The following CDH13 variants were observed in gnomAD, a reference collection of about 807,000 sequenced individuals.
CDH13 encodes the protein cadherin 13, also known as cadherin-13.
Under a neutral mutation model 63.8 loss-of-function variants are expected in CDH13, and 24 were observed. The observed-to-expected ratio is 0.38, with a 90% CI of 0.27 to 0.53. The LOEUF (loss-of-function observed/expected upper bound fraction) is 0.53. Ranked by LOEUF, CDH13 falls within the 20% of genes least tolerant of loss-of-function variation. The pLI, the probability that CDH13 is intolerant of heterozygous loss-of-function variation, is 0.85. For synonymous variants in CDH13, 503 were observed against 355.3 expected, an observed-to-expected ratio of 1.42 and a Z score of -4.67; for missense variants, 1,049 against 903.1, an observed-to-expected ratio of 1.16 and a Z score of -2.07.
At chr16:83,446,656 G>A (rs1045852893) in intron 6 of CDH13, among the ~76,000 whole-genome samples, 5 of 152,060 alleles carry the variant, frequency 3.3e-5, no homozygotes, top group African/African-American at 1.2e-4. Flanking sequence ...GGTAATCAAA[G>A]GAACGAGCTC....
In CDH13 at chr16:83,192,953, AAG is replaced by A. The variant is rs142256988; in HGVS notation, c.484-24387_484-24386del. ...ACAGAAACAATTTCTCTTAAAGAGA[AAG>A]AGAGGAACTATGTACTTGGGCTTTG... On this transcript the variant is annotated intron_variant, in intron 4 of 13. Coordinates refer to ENST00000567109, the MANE Select transcript of CDH13 (RefSeq NM_001257.5). Among the ~76,000 whole-genome samples the A allele has an allele frequency of 7.9e-3, 1,208 of 152,242 alleles. 21 individuals carry two copies. The highest frequency in any genetic ancestry group is 0.028 in the African/African-American group (1,163 of 41,532).
intron 6 of CDH13, among the ~76,000 whole-genome samples, chr16:83,430,887 T>C (rs1437432818): frequency 1.3e-5 from 2 of 152,028 alleles, no homozygotes; most frequent in Non-Finnish European, 2.9e-5. Context: ...TACATATGTA[T>C]GCATGTGCCA....
chr16:82,875,741 A>G lies in CDH13; in HGVS notation c.157+17268A>G, dbSNP rs78448635. On this transcript the variant is annotated intron_variant, in intron 2 of 13. Coordinates refer to ENST00000567109, the MANE Select transcript of CDH13 (RefSeq NM_001257.5). Reference sequence around the variant, plus strand: ...CAATAAAATGATAAGTATGATTCAAAGAGCATTCGAGAAACTAGCTATTTG... The same window carrying G: ...CAATAAAATGATAAGTATGATTCAAGGAGCATTCGAGAAACTAGCTATTTG... Among the ~76,000 whole-genome samples, 7 of 152,344 alleles carry G rather than the reference A, an allele frequency of 4.6e-5. No individual in the cohort carries two copies. In the East Asian group the frequency reaches 1.4e-3, roughly 29 times the overall value.
At chr16:83,777,736 T>C (rs561460941) in intron 11 of CDH13, among the ~76,000 whole-genome samples, 1 of 152,354 alleles carries the variant, frequency 6.6e-6, no homozygotes, top group South Asian at 2.1e-4. Context: ...GTATGCCAAC[T>C]TCAAATACTC....
intron 7 of CDH13, among the ~76,000 whole-genome samples, chr16:83,531,603 T>A (rs2075085508): frequency 6.6e-6 from 1 of 152,162 alleles, no homozygotes; most frequent in Admixed American, 6.5e-5. Context: ...ATCTAAGTTG[T>A]CCCTAAATGT....
At position 83,214,528 on chromosome 16, in the gene CDH13, C is replaced by T. The variant is rs1052615166; in HGVS notation, c.484-2817C>T. ...CTGGGAGGCGGAGGTTGCAGTGAGC[C>T]GAAATTGCACCACTGCATTCCAGCC... On this transcript the variant is annotated intron_variant, in intron 4 of 13. Transcript: ENST00000567109. Among the ~76,000 whole-genome samples the T allele has an allele frequency of 1.9e-4, 22 of 117,844 alleles. No individual in the cohort carries two copies. In the South Asian group the frequency reaches 2.4e-3, roughly 13 times the overall value. The allele number at this position is 117,844 out of a possible 152,430, so 77.3% of individuals were successfully genotyped here. A position where few individuals can be genotyped will look rare whatever the true frequency, so the allele number is the denominator to read the frequency against.
chr16:83,649,905 G>T (rs1381580146), intron 8 of CDH13, among the ~76,000 whole-genome samples: 1 of 152,182 alleles, frequency 6.6e-6, no homozygotes, highest in Non-Finnish European at 1.5e-5. Flanking sequence ...AGCTAAGCTG[G>T]TCCAAAGCCC....
chr16:82,943,574 C>G (rs1904362401), intron 2 of CDH13, among the ~76,000 whole-genome samples: 1 of 152,150 alleles, frequency 6.6e-6, no homozygotes, highest in South Asian at 2.1e-4. Context: ...GATGAGTTGG[C>G]TTTTATTAGG....
At chr16:83,478,889 T>G (rs2073684215) in intron 6 of CDH13, among the ~76,000 whole-genome samples, 2 of 150,028 alleles carry the variant, frequency 1.3e-5, no homozygotes, top group South Asian at 4.2e-4. Context: ...AGCAGTGGCC[T>G]CCAATTGGAC....
chr16:83,170,390 C>T (rs1457642163), intron 4 of CDH13, among the ~76,000 whole-genome samples: 4 of 152,076 alleles, frequency 2.6e-5, no homozygotes, highest in Non-Finnish European at 5.9e-5. Flanking sequence ...GTTTGCTTGA[C>T]TGATGGAGAC....
chr16:82,719,396 C>T (rs548359407), intron 1 of CDH13: 1 of 455,890 alleles, frequency 2.2e-6, no homozygotes, highest in Non-Finnish European at 4.4e-6. Context: ...CAGTTCCAGG[C>T]CCTTCCACTG....
intron 2 of CDH13, chr16:82,859,395 T>C (rs1443139363): frequency 2.6e-5 from 4 of 152,180 alleles, no homozygotes; most frequent in Non-Finnish European, 5.9e-5. Flanking sequence ...CCATCTCTAC[T>C]AAAGTTACAA....
intron 7 of CDH13, among the ~76,000 whole-genome samples, chr16:83,564,656 C>T (rs929088645): frequency 2.0e-5 from 3 of 152,058 alleles, no homozygotes; most frequent in African/African-American, 7.2e-5. Context: ...TGATCCACCT[C>T]CCTCGGCCTC....
At chr16:83,648,261 G>A (rs1192678928) in intron 8 of CDH13, among the ~76,000 whole-genome samples, 1 of 152,140 alleles carries the variant, frequency 6.6e-6, no homozygotes, top group African/African-American at 2.4e-5. Flanking sequence ...TTACATGCAA[G>A]AACAAGCCAG....
At chr16:83,305,656 C>T (rs2089857360) in intron 5 of CDH13, among the ~76,000 whole-genome samples, 1 of 152,154 alleles carries the variant, frequency 6.6e-6, no homozygotes, top group South Asian at 2.1e-4. Context: ...GACTTGGAGC[C>T]AGATGGGAGT....
intron 3 of CDH13, among the ~76,000 whole-genome samples, chr16:83,035,810 G>A (rs548622248): frequency 1.3e-5 from 2 of 152,282 alleles, no homozygotes; most frequent in Admixed American, 6.5e-5. Context: ...GTAACATAGG[G>A]ATAATAGACT....
intron 10 of CDH13, among the ~76,000 whole-genome samples, chr16:83,705,128 G>T (rs1170552472): frequency 1.3e-5 from 2 of 152,274 alleles, no homozygotes; most frequent in African/African-American, 2.4e-5. Context: ...GTATGGGAAA[G>T]GAATTTAAGG....
At chr16:82,687,377 G>A (rs1915184345) in intron 1 of CDH13, among the ~76,000 whole-genome samples, 1 of 152,168 alleles carries the variant, frequency 6.6e-6, no homozygotes, top group South Asian at 2.1e-4. Flanking sequence ...GGGTGTATTA[G>A]TCGGTTCTCA....
chr16:83,598,945 G>A (rs2067862), intron 7 of CDH13, among the ~76,000 whole-genome samples: 7,234 of 152,212 alleles, frequency 0.048, 237 homozygotes, highest in African/African-American at 0.085. Flanking sequence ...CACTCCCAGG[G>A]TGGACTCACT....
Sources: gnomAD v4.1 joint callset for allele counts (sites outside exome capture counted in the v4.1 genomes callset) on GRCh38, gnomAD v4.1.1 for gene constraint, MANE v1.5 for transcripts, NCBI Gene and HGNC (gene_info 2026-07-23, HGNC 2026-07-21) for gene names.